Variants in C10orf90 observed in about 807,000 individuals in gnomAD.
C10orf90 encodes (E2-independent) E3 ubiquitin-conjugating enzyme FATS.
In C10orf90, 56 loss-of-function variants were observed where a neutral mutation model predicts 62.5. The ratio of observed to expected loss-of-function variants is 0.90; its 90% CI spans 0.72 to 1.12. C10orf90 has a LOEUF of 1.12. Among genes scored for constraint, C10orf90 ranks in the 50% most tolerant of loss-of-function variants. C10orf90 has a pLI of 0.00. For missense variants in C10orf90, 970 were observed against 880.4 expected (o/e 1.10, Z -1.29); for synonymous variants, 386 against 340.4 (o/e 1.13, Z -1.47).
chr10:126,657,947 T>G (rs1288272660), intron 1 of C10orf90, among the ~76,000 whole-genome samples: 2 of 152,182 alleles, frequency 1.3e-5, no homozygotes, highest in Non-Finnish European at 2.9e-5. Context: ...TTGTGTTTTG[T>G]GGCAGCCAAC....
chr10:126,511,342 TC>T, intron 3 of C10orf90, among the ~76,000 whole-genome samples: 1 of 152,308 alleles, frequency 6.6e-6, no homozygotes, highest in Admixed American at 6.5e-5. Context: ...AATCTATTCT[TC>T]CCCCAATTTT....
intron 2 of C10orf90, among the ~76,000 whole-genome samples, chr10:126,528,701 A>G (rs1262752218): frequency 6.6e-6 from 1 of 152,016 alleles, no homozygotes; most frequent in Non-Finnish European, 1.5e-5. Context: ...GGGCTCAATA[A>G]CCCTGACCCC....
intron 2 of C10orf90, among the ~76,000 whole-genome samples, chr10:126,525,398 TC>T (rs1418408680): frequency 6.6e-6 from 1 of 152,300 alleles, no homozygotes; most frequent in East Asian, 1.9e-4. Flanking sequence ...TTCCTCTCCT[TC>T]CCCAGCAACA....
chr10:126,475,363 G>T (rs1158114984), intron 4 of C10orf90, among the ~76,000 whole-genome samples: 3 of 152,088 alleles, frequency 2.0e-5, no homozygotes, highest in Non-Finnish European at 4.4e-5. Context: ...GCCCCAGGAT[G>T]GTCCACACAC....
chr10:126,642,533 A>G (rs1245611616), intron 2 of C10orf90, among the ~76,000 whole-genome samples: 1 of 150,972 alleles, frequency 6.6e-6, no homozygotes, highest in Non-Finnish European at 1.5e-5. Context: ...CTCCATCTCA[A>G]AAAAAAAATA....
intron 2 of C10orf90, among the ~76,000 whole-genome samples, chr10:126,597,388 A>G (rs1321951005): frequency 1.3e-5 from 2 of 152,250 alleles, no homozygotes; most frequent in Non-Finnish European, 2.9e-5. Context: ...GAGATAGCAC[A>G]TGGTGTGCTT....
intron 2 of C10orf90, among the ~76,000 whole-genome samples, chr10:126,525,092 T>G (rs1863895907): frequency 6.6e-6 from 1 of 152,134 alleles, no homozygotes; most frequent in Non-Finnish European, 1.5e-5. Context: ...GGGAGATCCA[T>G]GCTGCAACAG....
chr10:126,558,050 T>G (rs1303791575), intron 2 of C10orf90, among the ~76,000 whole-genome samples: 1 of 152,068 alleles, frequency 6.6e-6, no homozygotes, highest in Non-Finnish European at 1.5e-5. Context: ...TCCTCTTCAC[T>G]CTCCAGGCCT....
intron 2 of C10orf90, among the ~76,000 whole-genome samples, chr10:126,646,238 C>T (rs1329407021): frequency 6.6e-6 from 1 of 152,200 alleles, no homozygotes. Flanking sequence ...TGAGAATATT[C>T]ATATTTGTCC....
intron 2 of C10orf90, among the ~76,000 whole-genome samples, chr10:126,558,786 C>T (rs1864834799): frequency 6.6e-6 from 1 of 152,220 alleles, no homozygotes; most frequent in Admixed American, 6.5e-5. Flanking sequence ...CTCTCTTCTT[C>T]CCCAACCAGA....
At chr10:126,539,560 C>T (rs4962344) in intron 2 of C10orf90, among the ~76,000 whole-genome samples, 99,116 of 151,836 alleles carry the variant, frequency 0.65, 33,333 homozygotes, top group African/African-American at 0.82. Context: ...CAAACTACTA[C>T]AGAAATAAAT....
At chr10:126,665,210 C>T (rs1457475020) in intron 1 of C10orf90, among the ~76,000 whole-genome samples, 1 of 152,162 alleles carries the variant, frequency 6.6e-6, no homozygotes, top group Non-Finnish European at 1.5e-5. Flanking sequence ...CAGTCAGAGC[C>T]ATAAGCACAT....
rs1174495063 is a variant in C10orf90 at position 126,540,633 on chromosome 10, T to G, written c.314-26694A>C. On this transcript the variant is annotated intron_variant, in intron 2 of 9. Coordinates refer to ENST00000488181, the MANE Select transcript of C10orf90 (RefSeq NM_001350921.2). ...GAGATCATGTCACTACACTCCAACCTGGGAGACAGGGTGACAAAGTGAGAC... is the reference window on the plus strand; with the variant it reads ...GAGATCATGTCACTACACTCCAACCGGGGAGACAGGGTGACAAAGTGAGAC... 4.1e-5 allele frequency among the ~76,000 whole-genome samples: 6 copies of G among 145,390 alleles called. No homozygotes were observed. In the East Asian group the frequency reaches 8.2e-4, roughly 20 times the overall value.
chr10:126,654,718 A>T (rs949722682), intron 1 of C10orf90, among the ~76,000 whole-genome samples: 1 of 152,196 alleles, frequency 6.6e-6, no homozygotes, highest in Admixed American at 6.5e-5. Context: ...GGCTGTTGAC[A>T]TGTCTTCCTC....
chr10:126,435,582 C>G (rs1373512697), intron 7 of C10orf90, among the ~76,000 whole-genome samples: 2 of 152,134 alleles, frequency 1.3e-5, no homozygotes, highest in Admixed American at 1.3e-4. Flanking sequence ...AAGGAGAGAC[C>G]CCTGATACAA....
At chr10:126,623,467 A>G (rs1174524177) in intron 2 of C10orf90, among the ~76,000 whole-genome samples, 1 of 152,026 alleles carries the variant, frequency 6.6e-6, no homozygotes, top group African/African-American at 2.4e-5. Flanking sequence ...CTACCCTCTC[A>G]CATCATTTTA....
chr10:126,449,109 C>G (rs570955553), intron 7 of C10orf90, among the ~76,000 whole-genome samples: 57 of 152,214 alleles, frequency 3.7e-4, no homozygotes, highest in Non-Finnish European at 6.9e-4. Flanking sequence ...GACCAATACC[C>G]CTGATGAACA....
At chr10:126,502,002 A>C (rs1477150654) in intron 4 of C10orf90, among the ~76,000 whole-genome samples, 2 of 148,480 alleles carry the variant, frequency 1.3e-5, no homozygotes, top group Non-Finnish European at 3.0e-5. Context: ...ATACACACAC[A>C]CCACACACAC....
chr10:126,438,602 C>T lies in C10orf90; in HGVS notation c.2189-8752G>A, dbSNP rs1025625190. Reference sequence around the variant, plus strand: ...CTGGTTCTCCTCTGGAATGCATTGTCGTTAGTATTTGGCTAGAGGAAACCA... The same window carrying T: ...CTGGTTCTCCTCTGGAATGCATTGTTGTTAGTATTTGGCTAGAGGAAACCA... On this transcript the variant is annotated intron_variant, in intron 7 of 9. Coordinates refer to ENST00000488181, the MANE Select transcript of C10orf90 (RefSeq NM_001350921.2). Among the ~76,000 whole-genome samples, 7 of 151,960 alleles carry T rather than the reference C, an allele frequency of 4.6e-5. No individual in the cohort carries two copies. The East Asian group carries it at 5.8e-4, about 13-fold the overall frequency.
Sources: allele counts gnomAD v4.1 joint callset (sites outside exome capture counted in the v4.1 genomes callset), GRCh38; gene constraint gnomAD v4.1.1; transcripts MANE v1.5; gene names NCBI Gene and HGNC (gene_info 2026-07-23, HGNC 2026-07-21).